The following FSHR variants were observed in gnomAD, a reference collection of about 807,000 sequenced individuals.
The protein encoded by FSHR is follicle-stimulating hormone receptor.
Under a neutral mutation model 52.1 loss-of-function variants are expected in FSHR, and 46 were observed. The ratio of observed to expected loss-of-function variants is 0.88; its 90% confidence interval spans 0.70 to 1.13. FSHR has a LOEUF of 1.13. Among genes scored for constraint, FSHR ranks in the 50% most tolerant of loss-of-function variants. FSHR has a pLI of 0.00. For missense variants in FSHR, 964 were observed against 834.6 expected, an observed-to-expected ratio of 1.16 and a Z score of -1.91; for synonymous variants, 399 against 309.6, an observed-to-expected ratio of 1.29 and a Z score of -3.03.
At chr2:49,043,929 C>T (rs1181081116) in intron 2 of FSHR, among the ~76,000 whole-genome samples, 1 of 152,170 alleles carries the variant, frequency 6.6e-6, no homozygotes, top group Non-Finnish European at 1.5e-5. Context: ...TCCATAAAAC[C>T]TTCTCTTGCT....
At chr2:49,084,345 A>T (rs1670293694) in intron 1 of FSHR, among the ~76,000 whole-genome samples, 1 of 152,144 alleles carries the variant, frequency 6.6e-6, no homozygotes, top group Non-Finnish European at 1.5e-5. Context: ...CATTCAAAGC[A>T]GTGTGTAGAG....
chr2:49,127,741 C>CTTCTTCT (rs1553350890), intron 1 of FSHR, among the ~76,000 whole-genome samples: 4 of 78,350 alleles, frequency 5.1e-5, no homozygotes, highest in African/African-American at 2.6e-4. Flanking sequence ...TGCATGATTT[C>CTTCTTCT]TTCTTCTTCT....
intron 1 of FSHR, among the ~76,000 whole-genome samples, chr2:49,071,327 A>G (rs969517464): frequency 3.3e-5 from 5 of 152,170 alleles, no homozygotes; most frequent in Non-Finnish European, 7.3e-5. Context: ...GGAGGGAAAA[A>G]TATAGACTAT....
intron 1 of FSHR, among the ~76,000 whole-genome samples, chr2:49,097,152 A>G (rs894722579): frequency 1.5e-4 from 23 of 152,316 alleles, no homozygotes; most frequent in African/African-American, 5.1e-4. Flanking sequence ...GTTTTCTTAT[A>G]TAAAATGTTC....
intron 8 of FSHR, among the ~76,000 whole-genome samples, chr2:48,972,640 C>T (rs866249306): frequency 6.6e-6 from 1 of 151,834 alleles, no homozygotes; most frequent in Non-Finnish European, 1.5e-5. Flanking sequence ...CTTTTTTTCT[C>T]AAATGTGGAA....
At chr2:49,045,638 C>A (rs922770409) in intron 2 of FSHR, among the ~76,000 whole-genome samples, 3 of 152,114 alleles carry the variant, frequency 2.0e-5, no homozygotes, top group African/African-American at 7.2e-5. Context: ...GCCGGGACAG[C>A]TTGGGTCAAT....
At chr2:49,094,112 C>T (rs925783649) in intron 1 of FSHR, among the ~76,000 whole-genome samples, 1 of 151,938 alleles carries the variant, frequency 6.6e-6, no homozygotes, top group Non-Finnish European at 1.5e-5. Context: ...AAATATATTT[C>T]TCTCAAATTG....
chr2:49,094,425 G>A (rs528002991), intron 1 of FSHR, among the ~76,000 whole-genome samples: 2 of 152,084 alleles, frequency 1.3e-5, no homozygotes, highest in Admixed American at 1.3e-4. Flanking sequence ...TGCCATTTCT[G>A]TTGCATTTCC....
intron 2 of FSHR, among the ~76,000 whole-genome samples, chr2:49,021,886 T>TATATATAGAGAGAGAG (rs1273265515): frequency 7.6e-4 from 19 of 25,112 alleles, no homozygotes; most frequent in South Asian, 2.0e-3. Context: ...TATATATATA[T>TATATATAGAGAGAGAG]AGAGAGAGAG....
chr2:49,091,042 A>G (rs2103690181), intron 1 of FSHR, among the ~76,000 whole-genome samples: 2 of 151,902 alleles, frequency 1.3e-5, no homozygotes, highest in South Asian at 4.1e-4. Flanking sequence ...GTTTACAAAT[A>G]TTATCTCCCT....
intron 2 of FSHR, among the ~76,000 whole-genome samples, chr2:49,020,758 C>G (rs184389968): frequency 1.3e-5 from 2 of 152,158 alleles, no homozygotes; most frequent in Non-Finnish European, 2.9e-5. Context: ...GCTAATCTGG[C>G]TTTGAGAGAT....
At chr2:49,112,107 G>C (rs1476203224) in intron 1 of FSHR, among the ~76,000 whole-genome samples, 1 of 151,910 alleles carries the variant, frequency 6.6e-6, no homozygotes, top group South Asian at 2.1e-4. Flanking sequence ...TTAATGCTTC[G>C]GTTATGTATG....
Position 49,154,259 on chromosome 2 carries a change from TACTC to T in FSHR, c.152+3_152+6del, listed in dbSNP as rs753659385. The T allele has an allele frequency of 1.2e-5, 19 of 1,613,470 alleles. No homozygotes were observed. Among genetic ancestry groups the T allele is most frequent in the Non-Finnish European group, 1.6e-5 (19 of 1,179,602 alleles). On this transcript the variant is annotated splice_donor_5th_base_variant and intron_variant, in intron 1 of 9. Coordinates refer to ENST00000406846, the MANE Select transcript of FSHR (RefSeq NM_000145.4). ...ATGCAGTTGTTCCCCCTCCCTCTGA[TACTC>T]ACAGTTCAATGGCATTCCTCGGGAG...
chr2:48,994,060 C>A (rs1675909922), intron 4 of FSHR, among the ~76,000 whole-genome samples: 1 of 152,128 alleles, frequency 6.6e-6, no homozygotes, highest in Non-Finnish European at 1.5e-5. Context: ...TTCATGTTTT[C>A]CCTGAAAACC....
intron 1 of FSHR, among the ~76,000 whole-genome samples, chr2:49,134,494 G>T (rs1384448802): frequency 1.3e-5 from 2 of 152,198 alleles, no homozygotes; most frequent in Admixed American, 1.3e-4. Context: ...AACCATTGTG[G>T]AAGACAGTGT....
intron 9 of FSHR, among the ~76,000 whole-genome samples, chr2:48,965,362 A>C (rs1215963569): frequency 2.0e-5 from 3 of 152,014 alleles, no homozygotes; most frequent in African/African-American, 7.2e-5. Context: ...GGCCTAAGGG[A>C]TTCTTTTTGT....
intron 8 of FSHR, among the ~76,000 whole-genome samples, chr2:48,974,754 A>G (rs1273388934): frequency 1.7e-5 from 1 of 59,658 alleles, no homozygotes; most frequent in Non-Finnish European, 4.0e-5. Flanking sequence ...AGAAATTTAT[A>G]TTAGCCAGGG....
In FSHR at chr2:49,154,489, A is replaced by G; in HGVS notation, c.-72T>C. On this transcript the variant is annotated 5_prime_UTR_variant, in exon 1 of 10. Coordinates refer to ENST00000406846, the MANE Select transcript of FSHR (RefSeq NM_000145.4). ...AACCTCCACAGATCTCAGAAGCTCC[A>G]CACAGTGCCCTTATGAGAAGAGATC... 2.0e-6 allele frequency: 3 copies of G among 1,501,428 alleles called. No homozygotes were observed. Among genetic ancestry groups the G allele is most frequent in the Non-Finnish European group, 2.8e-6 (3 of 1,082,460 alleles). The allele number at this position is 1,501,428 out of a possible 1,614,324, so 93.0% of individuals were successfully genotyped here. A position where few individuals can be genotyped will look rare whatever the true frequency, so the allele number is the denominator to read the frequency against.
intron 1 of FSHR, among the ~76,000 whole-genome samples, chr2:49,098,471 T>C (rs944190132): frequency 3.7e-4 from 56 of 152,022 alleles, no homozygotes; most frequent in Middle Eastern, 3.4e-3. Context: ...AATTTGACCA[T>C]GTGAAAGGGA....
Sources: gnomAD v4.1 joint callset for allele counts (sites outside exome capture counted in the v4.1 genomes callset) on GRCh38, gnomAD v4.1.1 for gene constraint, MANE v1.5 for transcripts, NCBI Gene and HGNC (gene_info 2026-07-23, HGNC 2026-07-21) for gene names.